Variants in HS6ST2 observed in about 807,000 individuals in gnomAD.
The protein encoded by HS6ST2 is heparan-sulfate 6-O-sulfotransferase 2.
A neutral mutation model predicts 33.0 loss-of-function variants in HS6ST2; 17 were observed. That is an observed-to-expected ratio of 0.52 (90% CI 0.35 to 0.77). The LOEUF is 0.77. Ranked by LOEUF, HS6ST2 falls within the 30% of genes least tolerant of loss-of-function variation. The pLI, the probability that HS6ST2 is intolerant of heterozygous loss-of-function variation, is 0.01. For synonymous variants in HS6ST2, 248 were observed against 237.1 expected, an observed-to-expected ratio of 1.05 and a Z score of -0.42; for missense variants, 519 against 551.7, an observed-to-expected ratio of 0.94 and a Z score of 0.59.
intron 2 of HS6ST2, among the ~76,000 whole-genome samples, chrX:132,940,543 T>C (rs1393023903): frequency 1.8e-5 from 2 of 111,601 alleles, no homozygotes; most frequent in Admixed American, 9.5e-5. Context: ...ATAAGAGACT[T>C]GAACCTAGAA....
chrX:132,884,480 G>T (rs755413139), intron 2 of HS6ST2, among the ~76,000 whole-genome samples: 30 of 111,277 alleles, frequency 2.7e-4, no homozygotes, highest in Non-Finnish European at 5.5e-4. Flanking sequence ...GCAGCCAGGA[G>T]GAAATTAACA....
At chrX:132,815,463 C>T (rs191826184) in intron 2 of HS6ST2, among the ~76,000 whole-genome samples, 34 of 111,841 alleles carry the variant, frequency 3.0e-4, no homozygotes, top group African/African-American at 1.1e-3. Context: ...AAAAGGTAAG[C>T]TGAGAATCAA....
chrX:132,705,187 G>A (rs1309871851), intron 3 of HS6ST2, among the ~76,000 whole-genome samples: 1 of 9,517 alleles, frequency 1.1e-4, no homozygotes, highest in South Asian at 6.2e-3. Flanking sequence ...ATGTGGGCAC[G>A]CGTGTGTGTG....
chrX:132,889,021 A>G (rs2066279763), intron 2 of HS6ST2, among the ~76,000 whole-genome samples: 1 of 110,939 alleles, frequency 9.0e-6, no homozygotes, highest in Non-Finnish European at 1.9e-5. Flanking sequence ...CTAAGATTAG[A>G]TCAATTTTCC....
intron 2 of HS6ST2, among the ~76,000 whole-genome samples, chrX:132,724,396 A>G (rs2064371731): frequency 8.9e-6 from 1 of 111,905 alleles, no homozygotes; most frequent in Non-Finnish European, 1.9e-5. Flanking sequence ...TTAAAAAGTA[A>G]TCCCATTTAC....
chrX:132,875,827 G>T (rs1281667109), intron 2 of HS6ST2, among the ~76,000 whole-genome samples: 1 of 111,566 alleles, frequency 9.0e-6, no homozygotes, highest in East Asian at 2.8e-4. Context: ...CACAAACTTT[G>T]CAGGGGGTGG....
At chrX:132,805,920 C>A (rs1176862269) in intron 2 of HS6ST2, among the ~76,000 whole-genome samples, 1 of 110,481 alleles carries the variant, frequency 9.1e-6, no homozygotes, top group East Asian at 2.8e-4. Flanking sequence ...GATATTGTAT[C>A]TACATCGGCA....
At chrX:132,766,038 G>A (rs530001256) in intron 2 of HS6ST2, among the ~76,000 whole-genome samples, 2 of 111,774 alleles carry the variant, frequency 1.8e-5, no homozygotes, top group Admixed American at 9.5e-5. Context: ...GGCAAAGCCT[G>A]TTAAAAGTGC....
intron 2 of HS6ST2, among the ~76,000 whole-genome samples, chrX:132,895,137 C>T (rs1244024700): frequency 8.9e-6 from 1 of 111,750 alleles, no homozygotes; most frequent in Non-Finnish European, 1.9e-5. Context: ...AATTTTTCTC[C>T]TCTAACTCAT....
intron 2 of HS6ST2, among the ~76,000 whole-genome samples, chrX:132,823,849 T>TAAAAA (rs1348912124): frequency 1.8e-5 from 1 of 55,512 alleles, no homozygotes; most frequent in African/African-American, 7.6e-5. Context: ...TGAGACTTCA[T>TAAAAA]AAAAAATAAT....
intron 2 of HS6ST2, among the ~76,000 whole-genome samples, chrX:132,867,626 G>A (rs2066003834): frequency 9.0e-6 from 1 of 110,871 alleles, no homozygotes; most frequent in Non-Finnish European, 1.9e-5. Context: ...GTTTTTGGTT[G>A]GTAAGCTATT....
intron 4 of HS6ST2, 96 bp downstream of exon 4, chrX:132,669,017 A>G (rs2063834346): frequency 3.6e-6 from 2 of 557,337 alleles, no homozygotes; most frequent in African/African-American, 4.6e-5. Flanking sequence ...CATTCCACAA[A>G]TCTTTGTTGA....
chrX:132,631,344 C>G (rs183832850), intron 4 of HS6ST2, among the ~76,000 whole-genome samples: 1 of 111,794 alleles, frequency 8.9e-6, no homozygotes, highest in African/African-American at 3.2e-5. Flanking sequence ...GAAAAGGGGC[C>G]AAGAGCACTT....
intron 4 of HS6ST2, among the ~76,000 whole-genome samples, chrX:132,652,632 C>G (rs778404220): frequency 9.0e-6 from 1 of 111,482 alleles, no homozygotes; most frequent in South Asian, 3.8e-4. Context: ...TTAATTTGAG[C>G]TTTCATCGAT....
chrX:132,889,782 T>C (rs1235251765), intron 2 of HS6ST2, among the ~76,000 whole-genome samples: 1 of 111,152 alleles, frequency 9.0e-6, no homozygotes, highest in Admixed American at 9.6e-5. Flanking sequence ...CCACCATCAT[T>C]CTTTACAGAA....
intron 2 of HS6ST2, among the ~76,000 whole-genome samples, chrX:132,827,609 A>C (rs189601056): frequency 9.1e-4 from 101 of 111,327 alleles, no homozygotes; most frequent in African/African-American, 3.1e-3. Context: ...ATTTATATAG[A>C]TCAACCTCAT....
At chrX:132,771,985 A>T (rs763490126) in intron 2 of HS6ST2, among the ~76,000 whole-genome samples, 6 of 111,688 alleles carry the variant, frequency 5.4e-5, no homozygotes, top group Middle Eastern at 4.6e-3. Flanking sequence ...TCAGAAAAGC[A>T]ATTAGCATGA....
chrX:132,819,458 G>C (rs1302572705), intron 2 of HS6ST2, among the ~76,000 whole-genome samples: 3 of 111,808 alleles, frequency 2.7e-5, no homozygotes, highest in Non-Finnish European at 5.6e-5. Context: ...GGCACACTGA[G>C]CTAGGAGCTC....
chrX:132,780,748 C>G (rs935844972), intron 2 of HS6ST2, among the ~76,000 whole-genome samples: 2 of 111,463 alleles, frequency 1.8e-5, no homozygotes, highest in African/African-American at 3.3e-5. Context: ...CAGAGTAAGC[C>G]CTTGACAATG....
Sources: gnomAD v4.1 joint callset for allele counts (sites outside exome capture counted in the v4.1 genomes callset) on GRCh38, gnomAD v4.1.1 for gene constraint, MANE v1.5 for transcripts, NCBI Gene and HGNC (gene_info 2026-07-23, HGNC 2026-07-21) for gene names.